The following SPATA7 variants were observed in gnomAD, a reference collection of about 807,000 sequenced individuals.
SPATA7 encodes the protein spermatogenesis associated 7.
SPATA7 carries 43 observed loss-of-function variants against 51.8 expected under a neutral mutation model. The ratio of observed to expected loss-of-function variants is 0.83; its 90% CI spans 0.65 to 1.07. The LOEUF (loss-of-function observed/expected upper bound fraction) is 1.07. SPATA7 is among the 50% of genes least tolerant of loss of function. SPATA7 has a pLI of 0.00. For missense variants in SPATA7, 683 were observed against 701.3 expected, an observed-to-expected ratio of 0.97 and a Z score of 0.30; for synonymous variants, 230 against 252.8, an observed-to-expected ratio of 0.91 and a Z score of 0.86.
At chr14:88,447,951 C>T (rs1174871479) in intron 3 of SPATA7, among the ~76,000 whole-genome samples, 1 of 151,062 alleles carries the variant, frequency 6.6e-6, no homozygotes, top group Non-Finnish European at 1.5e-5. Context: ...GTGAATCTGA[C>T]AATTATGTGT....
intron 4 of SPATA7, among the ~76,000 whole-genome samples, chr14:88,401,242 A>G (rs1230706821): frequency 6.6e-6 from 1 of 152,246 alleles, no homozygotes; most frequent in Non-Finnish European, 1.5e-5. Flanking sequence ...GTGAAAGATT[A>G]AAAACCACAC....
At chr14:88,451,750 C>T (rs2077253248) in intron 3 of SPATA7, among the ~76,000 whole-genome samples, 2 of 152,178 alleles carry the variant, frequency 1.3e-5, no homozygotes, top group South Asian at 4.1e-4. Flanking sequence ...GTCTCGAACT[C>T]CTGACCTCAA....
At chr14:88,448,830 C>T (rs1022039659) in intron 3 of SPATA7, among the ~76,000 whole-genome samples, 8 of 152,156 alleles carry the variant, frequency 5.3e-5, no homozygotes, top group African/African-American at 1.9e-4. Flanking sequence ...CTTGAGGAGG[C>T]AGTCTGCCCG....
At chr14:88,444,621 T>G (rs2077199192) in intron 3 of SPATA7, among the ~76,000 whole-genome samples, 1 of 152,312 alleles carries the variant, frequency 6.6e-6, no homozygotes, top group South Asian at 2.1e-4. Flanking sequence ...GTTTTAGGTC[T>G]AACGTTTAAG....
chr14:88,467,300 T>G (rs1036348664), intron 4 of SPATA7: 9 of 152,220 alleles, frequency 5.9e-5, no homozygotes, highest in African/African-American at 1.9e-4. Context: ...AAAACCACCC[T>G]AGGCAATTGT....
At chr14:88,448,100 T>C (rs2077226783) in intron 3 of SPATA7, among the ~76,000 whole-genome samples, 1 of 152,198 alleles carries the variant, frequency 6.6e-6, no homozygotes, top group African/African-American at 2.4e-5. Flanking sequence ...GGTTCCATTC[T>C]CCCCGTCACT....
chr14:88,405,672 A>G (rs2139921148), intron 4 of SPATA7, among the ~76,000 whole-genome samples: 1 of 152,340 alleles, frequency 6.6e-6, no homozygotes, highest in South Asian at 2.1e-4. Flanking sequence ...GAAGTGAGCA[A>G]TACCATAGGA....
chr14:88,417,431 CCAGT>C (rs2076515266), intron 5 of SPATA7, among the ~76,000 whole-genome samples: 1 of 151,646 alleles, frequency 6.6e-6, no homozygotes, highest in African/African-American at 2.4e-5. Flanking sequence ...CTCAGCCTCC[CCAGT>C]AGCTAGGATC....
At chr14:88,396,082 T>C (rs2075871642) in intron 3 of SPATA7, 74 bp from the exon 4 acceptor site, 1 of 1,216,384 alleles carries the variant, frequency 8.2e-7, no homozygotes, top group Non-Finnish European at 1.2e-6. Flanking sequence ...TGGAACATTT[T>C]GTGATTTCCA....
At position 88,460,933 on chromosome 14, in the gene SPATA7, G is replaced by A. The variant is rs541394730; in HGVS notation, c.255-8914G>A. Among the ~76,000 whole-genome samples, 15 of 152,312 alleles carry A rather than the reference G, an allele frequency of 9.8e-5. No homozygotes were observed. The South Asian group carries it at 1.5e-3, about 15-fold the overall frequency. ...TGTTAGTTTTCCTTCTAACAGTCAG[G>A]ACCCTCAGCTGCAGGTCTGTTGGAG... On this transcript the variant is annotated intron_variant, in intron 4 of 4. Coordinates refer to the SPATA7 transcript ENST00000556406.
At chr14:88,450,180 G>C (rs550134443) in intron 3 of SPATA7, among the ~76,000 whole-genome samples, 3 of 151,980 alleles carry the variant, frequency 2.0e-5, no homozygotes, top group Non-Finnish European at 4.4e-5. Context: ...CTAAGTTTAT[G>C]TGAGTCTTTA....
intron 5 of SPATA7, among the ~76,000 whole-genome samples, chr14:88,422,310 TA>T (rs984229249): frequency 2.0e-5 from 3 of 152,122 alleles, no homozygotes; most frequent in African/African-American, 7.2e-5. Context: ...ATTATGTAGA[TA>T]AAAAGACCAG....
intron 6 of SPATA7, among the ~76,000 whole-genome samples, chr14:88,426,918 G>A (rs960568205): frequency 3.3e-5 from 5 of 152,092 alleles, no homozygotes; most frequent in African/African-American, 7.2e-5. Flanking sequence ...CACCTTATGC[G>A]TATGAATTAC....
intron 4 of SPATA7, among the ~76,000 whole-genome samples, chr14:88,460,704 C>A (rs935237652): frequency 6.6e-6 from 1 of 152,194 alleles, no homozygotes; most frequent in African/African-American, 2.4e-5. Flanking sequence ...CTTCTTCTCT[C>A]AACTTGTCAA....
intron 4 of SPATA7, among the ~76,000 whole-genome samples, chr14:88,409,973 G>A (rs190470454): frequency 3.3e-5 from 5 of 152,174 alleles, no homozygotes; most frequent in South Asian, 4.1e-4. Flanking sequence ...TATGATTTCC[G>A]TTCTTTTGCA....
In SPATA7 at chr14:88,396,204, G is replaced by T. The variant is rs755274487; in HGVS notation, c.238+1G>T. On this transcript the variant is annotated splice_donor_variant, in intron 4 of 11. Transcript: ENST00000393545. LOFTEE classifies it high-confidence loss of function. ...GTAAGCGTGAGTACCAGCATAAAGT[G>T]TAAGTAATTTTTGGACATTATTACC... The T allele has an allele frequency of 6.2e-6, 10 of 1,607,460 alleles. No individual in the cohort carries two copies. The highest frequency in any genetic ancestry group is 1.3e-5 in the African/African-American group (1 of 74,764).
downstream of SPATA7, among the ~76,000 whole-genome samples, chr14:88,442,840 G>A (rs768266626): frequency 6.6e-6 from 1 of 151,918 alleles, no homozygotes; most frequent in Non-Finnish European, 1.5e-5. Flanking sequence ...TTATCTTTTG[G>A]AATAGTGTCC....
rs2077135228 is a variant in SPATA7, at chr14:88,437,923, A to G, written c.1301A>G (p.Asp434Gly). 2 of 1,613,302 alleles carry G rather than the reference A, an allele frequency of 1.2e-6. No homozygotes were observed. The highest frequency in any genetic ancestry group is 1.7e-6 in the Non-Finnish European group (2 of 1,179,580). Residue 434 changes from aspartate (D) to glycine (G), a missense_variant, in exon 12 of 12, where the codon GAT (aspartate) becomes GGT (glycine). Physicochemically the swap from Asp to Gly is moderately conservative, Grantham distance 94. Coordinates refer to ENST00000393545, the MANE Select transcript of SPATA7 (RefSeq NM_018418.5). The part of the protein sequence containing the change: ...EENSVKQNDV[D>G]MLNVFDFEKA... ...AACTCGGTAAAGCAAAATGATGTTG[A>G]TATGTTGAATGTATTTGATTTTGAA...
chr14:88,430,126 T>G (rs2076901941), intron 8 of SPATA7, among the ~76,000 whole-genome samples: 1 of 152,000 alleles, frequency 6.6e-6, no homozygotes, highest in South Asian at 2.1e-4. Context: ...AGAGTGGATA[T>G]GAAATGCCGG....
Sources: allele counts gnomAD v4.1 joint callset (sites outside exome capture counted in the v4.1 genomes callset), GRCh38; gene constraint gnomAD v4.1.1; transcripts MANE v1.5; gene names NCBI Gene and HGNC (gene_info 2026-07-23, HGNC 2026-07-21).